LHFPL3: variants seen among roughly 807,000 people sequenced by gnomAD.
LHFPL3 encodes the protein LHFPL tetraspan subfamily member 3.
LHFPL3 carries 5 observed loss-of-function variants against 19.3 expected under a neutral mutation model. That is an observed-to-expected ratio of 0.26 (90% CI 0.14 to 0.54). LHFPL3 has a LOEUF of 0.54. Among genes scored for constraint, LHFPL3 ranks in the 20% least tolerant of loss-of-function variants. The pLI, the probability that LHFPL3 is intolerant of heterozygous loss-of-function variation, is 0.94. For missense variants in LHFPL3, 249 were observed against 307.4 expected, an observed-to-expected ratio of 0.81 and a Z score of 1.42; for synonymous variants, 133 against 126.2, an observed-to-expected ratio of 1.05 and a Z score of -0.36.
intron 1 of LHFPL3, among the ~76,000 whole-genome samples, chr7:104,565,935 A>G (rs1183982894): frequency 6.6e-6 from 1 of 152,162 alleles, no homozygotes; most frequent in Non-Finnish European, 1.5e-5. Flanking sequence ...AACAAGCATA[A>G]TGCACTGTTA....
chr7:104,774,163 GA>G (rs1794604335), intron 2 of LHFPL3, among the ~76,000 whole-genome samples: 1 of 152,254 alleles, frequency 6.6e-6, no homozygotes, highest in South Asian at 2.1e-4. Context: ...TGGGAAGAGA[GA>G]AAGGTGGCAG....
At chr7:104,540,640 T>C (rs1366319378) in intron 1 of LHFPL3, among the ~76,000 whole-genome samples, 1 of 152,220 alleles carries the variant, frequency 6.6e-6, no homozygotes, top group Admixed American at 6.5e-5. Context: ...TGAGCATTTA[T>C]TGACAACTTT....
chr7:104,611,737 A>AG lies in LHFPL3; in HGVS notation c.446-124931dup, dbSNP rs1554414776. Among the ~76,000 whole-genome samples the AG allele has an allele frequency of 7.2e-5, 11 of 152,250 alleles. 1 individual carries two copies. In the South Asian group the frequency reaches 2.1e-3, roughly 29 times the overall value. Reference sequence around the variant, plus strand: ...ATTAAAAGGCAGAAAATACTAAAAAAGGGGGGGAGGAATTTACACAAGTTT... The same window carrying AG: ...ATTAAAAGGCAGAAAATACTAAAAAAGGGGGGGGAGGAATTTACACAAGTTT... On this transcript the variant is annotated intron_variant, in intron 1 of 2. Coordinates refer to ENST00000424859, the MANE Select transcript of LHFPL3 (RefSeq NM_199000.3).
intron 1 of LHFPL3, among the ~76,000 whole-genome samples, chr7:104,472,271 C>T (rs995323135): frequency 2.0e-5 from 3 of 151,902 alleles, no homozygotes; most frequent in Admixed American, 1.3e-4. Flanking sequence ...TTCATGCCAC[C>T]GATGAGTTTT....
intron 1 of LHFPL3, among the ~76,000 whole-genome samples, chr7:104,516,535 TAATTAATTGAAATCAAC>T (rs1262838428): frequency 6.6e-6 from 1 of 152,164 alleles, no homozygotes; most frequent in Admixed American, 6.6e-5. Flanking sequence ...TTGATTTAAT[TAATTAATTGAAATCAAC>T]ATGACTGATC....
intron 1 of LHFPL3, among the ~76,000 whole-genome samples, chr7:104,696,335 C>G (rs10953443): frequency 0.86 from 131,148 of 152,244 alleles, 56,742 homozygotes; most frequent in South Asian, 0.91. Flanking sequence ...TAAGAATATA[C>G]GCACTGCAAA....
chr7:104,456,966 C>A (rs1792553947), intron 1 of LHFPL3, among the ~76,000 whole-genome samples: 3 of 151,998 alleles, frequency 2.0e-5, no homozygotes, highest in African/African-American at 7.2e-5. Flanking sequence ...CCACAGAAAA[C>A]AAAATTATGG....
chr7:104,566,533 G>A (rs530143759), intron 1 of LHFPL3, among the ~76,000 whole-genome samples: 54 of 152,106 alleles, frequency 3.6e-4, no homozygotes, highest in Admixed American at 1.8e-3. Flanking sequence ...AAAAATGATG[G>A]GTTTTCACAT....
At chr7:104,850,077 C>T (rs916995078) in intron 2 of LHFPL3, among the ~76,000 whole-genome samples, 6 of 152,044 alleles carry the variant, frequency 3.9e-5, no homozygotes, top group East Asian at 1.9e-4. Context: ...CCAAGGTGGG[C>T]GGATCACTTG....
rs190026295 is a variant in LHFPL3, at chr7:104,510,784, G to A, written c.445+181560G>A. Reference sequence around the variant, plus strand: ...GTGGGAGAATGTATTTGCAAACTACGTATTTGAAAAAGGAACAGAAAACCA... The same window carrying A: ...GTGGGAGAATGTATTTGCAAACTACATATTTGAAAAAGGAACAGAAAACCA... On this transcript the variant is annotated intron_variant, in intron 1 of 2. Coordinates refer to ENST00000424859, the MANE Select transcript of LHFPL3 (RefSeq NM_199000.3). Among the ~76,000 whole-genome samples, 61 of 152,134 alleles carry A rather than the reference G, an allele frequency of 4.0e-4. No individual in the cohort carries two copies. In the South Asian group the frequency reaches 9.5e-3, roughly 24 times the overall value.
chr7:104,553,077 T>A (rs1473032494), intron 1 of LHFPL3, among the ~76,000 whole-genome samples: 3 of 152,232 alleles, frequency 2.0e-5, no homozygotes, highest in Admixed American at 1.3e-4. Context: ...ATGATTTTTT[T>A]ATTATGTTTC....
At chr7:104,783,814 T>C (rs1270508145) in intron 2 of LHFPL3, among the ~76,000 whole-genome samples, 1 of 152,242 alleles carries the variant, frequency 6.6e-6, no homozygotes, top group Non-Finnish European at 1.5e-5. Flanking sequence ...TAGTATGCTA[T>C]GTTTACTGGA....
At chr7:104,704,727 C>A (rs1472101999) in intron 1 of LHFPL3, among the ~76,000 whole-genome samples, 1 of 152,042 alleles carries the variant, frequency 6.6e-6, no homozygotes, top group African/African-American at 2.4e-5. Flanking sequence ...CCTCGGCCTC[C>A]TGGGCTCAAG....
At chr7:104,860,102 A>G (rs17706792) in intron 2 of LHFPL3, among the ~76,000 whole-genome samples, 38,457 of 151,728 alleles carry the variant, frequency 0.25, 5,267 homozygotes, top group Middle Eastern at 0.32. Context: ...AACCCCACTC[A>G]GTGTTGGACT....
At chr7:104,664,616 G>A (rs765546269) in intron 1 of LHFPL3, among the ~76,000 whole-genome samples, 3 of 152,158 alleles carry the variant, frequency 2.0e-5, no homozygotes, top group Non-Finnish European at 4.4e-5. Context: ...TGTAGTTGTA[G>A]CACAGCATAG....
At chr7:104,422,720 G>T (rs1791757980) in intron 1 of LHFPL3, among the ~76,000 whole-genome samples, 1 of 152,090 alleles carries the variant, frequency 6.6e-6, no homozygotes, top group Admixed American at 6.5e-5. Context: ...CTTTATAAAT[G>T]GTTAAGATAA....
At chr7:104,374,740 A>G (rs918575635) in intron 1 of LHFPL3, among the ~76,000 whole-genome samples, 2 of 152,160 alleles carry the variant, frequency 1.3e-5, no homozygotes, top group African/African-American at 4.8e-5. Flanking sequence ...AAAGGGACCA[A>G]TGTTATGTGA....
chr7:104,545,289 C>T (rs997780901), intron 1 of LHFPL3, among the ~76,000 whole-genome samples: 1 of 152,166 alleles, frequency 6.6e-6, no homozygotes, highest in East Asian at 1.9e-4. Context: ...GGCATCAGCC[C>T]AGCACAGCTT....
At chr7:104,618,099 A>C (rs1791381845) in intron 1 of LHFPL3, among the ~76,000 whole-genome samples, 1 of 152,218 alleles carries the variant, frequency 6.6e-6, no homozygotes, top group Admixed American at 6.5e-5. Flanking sequence ...CCCCAGCTGC[A>C]GAAATTATGT....
Sources: allele counts gnomAD v4.1 joint callset (sites outside exome capture counted in the v4.1 genomes callset), GRCh38; gene constraint gnomAD v4.1.1; transcripts MANE v1.5; gene names NCBI Gene and HGNC (gene_info 2026-07-23, HGNC 2026-07-21).